Variants in PATJ observed in about 807,000 individuals in gnomAD.
PATJ encodes PATJ crumbs cell polarity complex component.
In PATJ, 190 loss-of-function variants were observed where a neutral mutation model predicts 224.9. The ratio of observed to expected loss-of-function variants is 0.84; its 90% CI spans 0.75 to 0.95. The LOEUF (loss-of-function observed/expected upper bound fraction) is 0.95. PATJ is among the 40% of genes least tolerant of loss of function. The pLI, the probability that PATJ is intolerant of heterozygous loss-of-function variation, is 0.00. For synonymous variants in PATJ, 769 were observed against 820.3 expected, an observed-to-expected ratio of 0.94 and a Z score of 1.07; for missense variants, 2,121 against 2,270.3, an observed-to-expected ratio of 0.93 and a Z score of 1.34.
At chr1:62,106,115 C>CACAT (rs58726426) in intron 33 of PATJ, among the ~76,000 whole-genome samples, 9,221 of 45,740 alleles carry the variant, frequency 0.2, 1,889 homozygotes, top group Non-Finnish European at 0.26. Context: ...CACACACACA[C>CACAT]ACACAAACAC....
intron 30 of PATJ, among the ~76,000 whole-genome samples, chr1:62,048,567 A>G (rs946040785): frequency 1.8e-3 from 266 of 149,750 alleles, no homozygotes; most frequent in Middle Eastern, 3.5e-3. Context: ...AAAAAAAAAA[A>G]AAAGAAAAAG....
chr1:61,825,118 C>CTATG (rs1658008103), intron 15 of PATJ, among the ~76,000 whole-genome samples: 1 of 152,140 alleles, frequency 6.6e-6, no homozygotes, highest in African/African-American at 2.4e-5. Context: ...GCCCACTTCA[C>CTATG]TATGTGCTTG....
chr1:61,811,578 G>C (rs2148651682), intron 14 of PATJ, among the ~76,000 whole-genome samples: 1 of 151,174 alleles, frequency 6.6e-6, no homozygotes, highest in Admixed American at 6.6e-5. Context: ...GCATGAAATT[G>C]CTCTTTAATT....
intron 7 of PATJ, among the ~76,000 whole-genome samples, chr1:61,777,625 T>G (rs1219178685): frequency 1.3e-5 from 2 of 151,892 alleles, no homozygotes; most frequent in Non-Finnish European, 2.9e-5. Flanking sequence ...TATTATATGA[T>G]GAAATATGTC....
In PATJ at chr1:62,051,034, G is replaced by T. The variant is rs1653517721; in HGVS notation, c.4101G>T (p.Leu1367Phe). ...DGSVEVGIKQ[L>F]PESESFKLAV... ...GCGTCGAAGTTGGTATTAAACAATT[G>T]CCTGAAAGTGAAAGCTTCAAACTGG... is the stretch of plus-strand genomic sequence containing the variant. Residue 1367 changes from leucine to phenylalanine, a missense_variant, in exon 31 of 44, where the codon TTG becomes TTT. Coordinates refer to ENST00000642238, the MANE Select transcript of PATJ (RefSeq NM_001350145.3). 2 of 1,613,258 alleles carry T rather than the reference G, an allele frequency of 1.2e-6. No homozygotes were observed. The highest frequency in any genetic ancestry group is 2.2e-5 in the East Asian group (1 of 44,862).
chr1:61,972,708 A>C (rs1356249232), intron 27 of PATJ, among the ~76,000 whole-genome samples: 2 of 152,252 alleles, frequency 1.3e-5, no homozygotes, highest in African/African-American at 4.8e-5. Flanking sequence ...GCATTAAGTT[A>C]AATACTTTAC....
Position 62,100,729 on chromosome 1 carries a change from G to A in PATJ, c.4378-7708G>A, listed in dbSNP as rs542574683. 1.8e-4 allele frequency among the ~76,000 whole-genome samples: 28 copies of A among 152,248 alleles called. 1 individual carries two copies. The highest frequency in any genetic ancestry group is 3.4e-3 in the Middle Eastern group (1 of 294). ...CAATCATTTAATGAATGTTTATTGA[G>A]TGCCTACTCTGGACTTGGCACCAGA... On this transcript the variant is annotated intron_variant, in intron 33 of 43. Transcript: ENST00000642238.
chr1:61,814,200 A>G (rs958541693), intron 14 of PATJ, among the ~76,000 whole-genome samples: 4 of 143,418 alleles, frequency 2.8e-5, no homozygotes, highest in Middle Eastern at 3.9e-3. Flanking sequence ...TTGGAGTGCA[A>G]TGGCACCATC....
At chr1:62,119,758 G>T (rs531954423) in intron 37 of PATJ, among the ~76,000 whole-genome samples, 1 of 152,162 alleles carries the variant, frequency 6.6e-6, no homozygotes, top group Admixed American at 6.6e-5. Context: ...TGGCCAAAGA[G>T]CCTGGTGAAA....
chr1:62,054,440 C>A, intron 31 of PATJ: 1 of 304,126 alleles, frequency 3.3e-6, no homozygotes, highest in South Asian at 3.1e-5. Flanking sequence ...TCAGTATATT[C>A]AGTTGGTTGG....
intron 33 of PATJ, among the ~76,000 whole-genome samples, chr1:62,093,523 T>C (rs995976160): frequency 6.6e-6 from 1 of 152,224 alleles, no homozygotes. Flanking sequence ...CCTTTTATTG[T>C]TATTGCTTAA....
rs2149484585 is a variant in PATJ, at chr1:61,976,796, T to C, written c.3671-13372T>C. Among the ~76,000 whole-genome samples, 2 of 152,138 alleles carry C rather than the reference T, an allele frequency of 1.3e-5. 1 individual carries two copies. Among genetic ancestry groups the C allele is most frequent in the South Asian group, 4.1e-4 (2 of 4,824 alleles). On this transcript the variant is annotated intron_variant, in intron 27 of 43. Coordinates refer to ENST00000642238, the MANE Select transcript of PATJ (RefSeq NM_001350145.3). The stretch of plus-strand genomic sequence containing the variant: ...AAATTCTCCCATATGTTCTCCCAGG[T>C]TCAGTAATTACCAAGATTTTACTAT...
intron 1 of PATJ, among the ~76,000 whole-genome samples, chr1:61,742,770 C>T (rs1428418240): frequency 2.0e-5 from 3 of 150,330 alleles, no homozygotes; most frequent in Non-Finnish European, 4.5e-5. Context: ...GCGCCCGCGG[C>T]GTGCGTCCGC....
At chr1:61,864,141 G>A (rs1665043707) in intron 19 of PATJ, 97 bp from the exon 20 acceptor site, 1 of 971,220 alleles carries the variant, frequency 1.0e-6, no homozygotes, top group Non-Finnish European at 1.5e-6. Flanking sequence ...CTTGGCATAT[G>A]CAGTCACGCC....
intron 25 of PATJ, 36 bp downstream of exon 25, chr1:61,908,518 A>T (rs776308180): frequency 3.0e-5 from 41 of 1,347,324 alleles, no homozygotes; most frequent in Admixed American, 5.1e-5. Context: ...AAGTTTAACA[A>T]CACTCTGTAT....
At chr1:62,156,631 T>C (rs1273691056) in intron 43 of PATJ, among the ~76,000 whole-genome samples, 1 of 151,806 alleles carries the variant, frequency 6.6e-6, no homozygotes, top group Non-Finnish European at 1.5e-5. Context: ...AAAAAATCTG[T>C]GTGACTGGGC....
At chr1:62,071,440 G>A (rs1336951747) in intron 31 of PATJ, among the ~76,000 whole-genome samples, 3 of 151,478 alleles carry the variant, frequency 2.0e-5, no homozygotes, top group African/African-American at 4.9e-5. Context: ...TTATGGATGG[G>A]GAAATTAAGG....
At chr1:62,090,652 C>T (rs913001574) in intron 33 of PATJ, among the ~76,000 whole-genome samples, 2 of 152,118 alleles carry the variant, frequency 1.3e-5, no homozygotes, top group African/African-American at 4.8e-5. Flanking sequence ...TTCCTTCTAT[C>T]CATCAGTCCA....
At chr1:61,824,036 T>C (rs1471127204) in intron 15 of PATJ, among the ~76,000 whole-genome samples, 1 of 152,184 alleles carries the variant, frequency 6.6e-6, no homozygotes. Flanking sequence ...ATTAATGCCC[T>C]ACATTTTATT....
Sources: gnomAD v4.1 joint callset for allele counts (sites outside exome capture counted in the v4.1 genomes callset) on GRCh38, gnomAD v4.1.1 for gene constraint, MANE v1.5 for transcripts, NCBI Gene and HGNC (gene_info 2026-07-23, HGNC 2026-07-21) for gene names.